STAB1: variants seen among roughly 807,000 people sequenced by gnomAD.
STAB1 encodes the protein stabilin-1.
In STAB1, 250 loss-of-function variants were observed where a neutral mutation model predicts 332.4. The observed-to-expected ratio is 0.75, with a 90% CI of 0.68 to 0.84. STAB1 has a LOEUF of 0.84. Among genes scored for constraint, STAB1 ranks in the 40% least tolerant of loss-of-function variants. The pLI is 0.00. For missense variants in STAB1, 3,249 were observed against 3,489.7 expected, an observed-to-expected ratio of 0.93 and a Z score of 1.74; for synonymous variants, 1,475 against 1,390.4, an observed-to-expected ratio of 1.06 and a Z score of -1.35.
rs1161508485 is a variant in STAB1 at position 52,524,223 on chromosome 3, G to GAAGT, written c.7656+11_7656+14dup. ...TTGTGAACCCTTCGATGTAAGCATG[G>GAAGT]AAGTGAAGAAGTGTGGCAGATGTGG... On this transcript the variant is annotated intron_variant, in intron 68 of 68. Coordinates refer to ENST00000321725, the MANE Select transcript of STAB1 (RefSeq NM_015136.3). 1 of 1,614,080 alleles carries GAAGT rather than the reference G, an allele frequency of 6.2e-7. No individual in the cohort carries two copies. Among genetic ancestry groups the GAAGT allele is most frequent in the Non-Finnish European group, 8.5e-7 (1 of 1,180,026 alleles).
At chr3:52,499,909 A>AAC (rs1405834261) in intron 1 of STAB1, among the ~76,000 whole-genome samples, 1 of 145,810 alleles carries the variant, frequency 6.9e-6, no homozygotes, top group Non-Finnish European at 1.5e-5. Context: ...AAAAAAAAAA[A>AAC]AAAAAAAAAA....
chr3:52,517,383 G>GC lies in STAB1; in HGVS notation c.4558dup (p.Gln1520ProfsTer9). On this transcript the variant is annotated frameshift_variant, in exon 43 of 69. Coordinates refer to ENST00000321725, the MANE Select transcript of STAB1 (RefSeq NM_015136.3). LOFTEE classifies it high-confidence loss of function. The stretch of plus-strand genomic sequence containing the variant: ...ATTCACGCCGAGTGCATCCCCACTG[G>GC]CCCCCAGCAGGTCAGCATGGCAGGG... 1 of 1,603,340 alleles carries GC rather than the reference G, an allele frequency of 6.2e-7. No homozygotes were observed. The highest frequency in any genetic ancestry group is 8.5e-7 in the Non-Finnish European group (1 of 1,175,400).
intron 17 of STAB1, 24 bp downstream of exon 17, chr3:52,506,274 G>C: frequency 6.3e-7 from 1 of 1,597,022 alleles, no homozygotes; most frequent in Non-Finnish European, 8.5e-7. Flanking sequence ...ACACCTGGGC[G>C]GATGGTGGGG....
At position 52,502,053 on chromosome 3, in the gene STAB1, T is replaced by A. The variant is rs1267861507; in HGVS notation, c.379T>A (p.Leu127Met). ...CCCATGCAATGGCCACGGGACCTGC[T>A]TGGATGGCATGGACAGGAATGGGAC... ...ETPCNGHGTC[L>M]DGMDRNGTCV... The change falls in exon 4 of 69, where the codon TTG becomes ATG. Residue 127 changes from leucine to methionine, a missense_variant. By Grantham distance (15) the Leu-to-Met change is conservative (BLOSUM62 2). Transcript: ENST00000321725. 1 of 1,613,440 alleles carries A rather than the reference T, an allele frequency of 6.2e-7. No individual in the cohort carries two copies. The highest frequency in any genetic ancestry group is 2.2e-5 in the East Asian group (1 of 44,874).
chr3:52,504,958 G>A lies in STAB1; in HGVS notation c.1378-45G>A, dbSNP rs764497417. The A allele has an allele frequency of 4.3e-6, 7 of 1,612,464 alleles. No homozygotes were observed. In the East Asian group the frequency reaches 1.3e-4, roughly 31 times the overall value. On this transcript the variant is annotated intron_variant, in intron 12 of 68. Coordinates refer to ENST00000321725, the MANE Select transcript of STAB1 (RefSeq NM_015136.3). The stretch of plus-strand genomic sequence containing the variant: ...CAGGTGGGAGGGAGCCTCCGGACAG[G>A]GGGCTGGCATATGGGATCTGGCCAG...
chr3:52,504,207 T>C (rs374422384), intron 10 of STAB1, 52 bp downstream of exon 10: 29 of 1,551,470 alleles, frequency 1.9e-5, no homozygotes, highest in South Asian at 1.1e-4. Context: ...CCCAGCACAG[T>C]TGGCAGGGAG....
chr3:52,497,214 T>C lies in STAB1; in HGVS notation c.78+1723T>C, dbSNP rs567614000. Among the ~76,000 whole-genome samples the C allele has an allele frequency of 3.9e-5, 6 of 152,176 alleles. No individual in the cohort carries two copies. In the South Asian group the frequency reaches 1.2e-3, roughly 32 times the overall value. ...CATGTTGACCAGGCTGGTCTGTAAC[T>C]CCTGACCTCAGGTAATCCACCTGCC... is the stretch of plus-strand genomic sequence containing the variant. On this transcript the variant is annotated intron_variant, in intron 1 of 68. Coordinates refer to ENST00000321725, the MANE Select transcript of STAB1 (RefSeq NM_015136.3).
Position 52,524,354 on chromosome 3 carries a change from T to C in STAB1, c.7711T>C (p.Ter2571ArgextTer5). ...PDTQRILTVK[*>R] is the part of the protein sequence containing the mutation. ...CACCCAGAGGATCCTCACAGTCAAG[T>C]GACGAGGCTGGGGCTGAAAGCAGAA... The change falls in exon 69 of 69, where the codon TGA becomes CGA. Residue 2571 changes from the stop codon to arginine, a stop_lost. Transcript: ENST00000321725. 2 of 1,613,748 alleles carry C rather than the reference T, an allele frequency of 1.2e-6. No homozygotes were observed. Among genetic ancestry groups the C allele is most frequent in the Non-Finnish European group, 1.7e-6 (2 of 1,179,996 alleles).
rs1559729101 is a variant in STAB1, at chr3:52,523,677, G to GT, written c.7317dup (p.Ile2440TyrfsTer33). 6.2e-7 allele frequency: 1 copy of GT among 1,612,732 alleles called. No individual in the cohort carries two copies. On this transcript the variant is annotated frameshift_variant, in exon 66 of 69. Transcript: ENST00000321725. LOFTEE classifies it high-confidence loss of function. ...GCCCCAGGGACAGTTGTGGTTAGCC[G>GT]TATCATTGTGTGGGACATCATGGCC...
Position 52,504,555 on chromosome 3 carries a change from C to T in STAB1, c.1239+6C>T. 1 of 1,613,934 alleles carries T rather than the reference C, an allele frequency of 6.2e-7. No homozygotes were observed. Among genetic ancestry groups the T allele is most frequent in the Non-Finnish European group, 8.5e-7 (1 of 1,179,980 alleles). ...TCTCCTCCAGGACCATGAATGTAAGCCCCTCCCCATGGTGGAGCTGGCCAC... is the reference window on the plus strand; with the variant it reads ...TCTCCTCCAGGACCATGAATGTAAGTCCCTCCCCATGGTGGAGCTGGCCAC... On this transcript the variant is annotated splice_donor_region_variant and intron_variant, in intron 11 of 68. Coordinates refer to ENST00000321725, the MANE Select transcript of STAB1 (RefSeq NM_015136.3).
chr3:52,514,553 C>T, intron 34 of STAB1, 57 bp downstream of exon 34: 1 of 1,533,146 alleles, frequency 6.5e-7, no homozygotes, highest in Non-Finnish European at 8.8e-7. Flanking sequence ...CTGAAGATCC[C>T]TTCCCTTTGG....
At position 52,516,525 on chromosome 3, in the gene STAB1, ATCC is replaced by A. The variant is rs2078870900; in HGVS notation, c.4241-12_4241-10del. 1.2e-6 allele frequency: 2 copies of A among 1,613,256 alleles called. No individual in the cohort carries two copies. The highest frequency in any genetic ancestry group is 2.7e-5 in the African/African-American group (2 of 74,888). ...TTCCTGGGTCTGAATGACCAGAGTC[ATCC>A]TCCTGCCCCCCAGAAATCACCAGCC... is the stretch of plus-strand genomic sequence containing the variant. On this transcript the variant is annotated splice_polypyrimidine_tract_variant and intron_variant, in intron 39 of 68. Transcript: ENST00000321725.
In STAB1 at chr3:52,515,020, G is replaced by A. The variant is rs768140631; in HGVS notation, c.3839G>A (p.Arg1280His). 1.1e-5 allele frequency: 18 copies of A among 1,613,388 alleles called. No homozygotes were observed. Among genetic ancestry groups the A allele is most frequent in the Middle Eastern group, 1.6e-4 (1 of 6,084 alleles). Reference sequence around the variant, plus strand: ...TGTGTAAACTGCACCAGGAGATTCCGCTGCACTCAGGGCTTCCAGCTGCAG... The same window carrying A: ...TGTGTAAACTGCACCAGGAGATTCCACTGCACTCAGGGCTTCCAGCTGCAG... ...EKCVNCTRRFRCTQGFQLQDT... is the reference protein window; with the variant it reads ...EKCVNCTRRFHCTQGFQLQDT... Residue 1280 changes from arginine to histidine, a missense_variant, in exon 36 of 69, where the codon CGC becomes CAC. Coordinates refer to ENST00000321725, the MANE Select transcript of STAB1 (RefSeq NM_015136.3).
At position 52,508,313 on chromosome 3, in the gene STAB1, C is replaced by T. The variant is rs143844788; in HGVS notation, c.2189C>T (p.Thr730Met). 1.8e-4 allele frequency: 298 copies of T among 1,613,892 alleles called. No homozygotes were observed. Among genetic ancestry groups the T allele is most frequent in the Middle Eastern group, 3.3e-4 (2 of 6,058 alleles). Residue 730 changes from threonine to methionine, a missense_variant, in exon 21 of 69, where the codon ACG (threonine) becomes ATG (methionine). Physicochemically the swap from Thr to Met is moderately conservative, Grantham distance 81. Coordinates refer to ENST00000321725, the MANE Select transcript of STAB1 (RefSeq NM_015136.3). ...CCKGFFGPDC[T>M]QCPGGFSNPC... is the part of the protein sequence containing the mutation. Reference sequence around the variant, plus strand: ...AAAGGTTTTTTCGGGCCTGACTGCACGCAGTGTCCTGGGGGCTTCTCCAAC... The same window carrying T: ...AAAGGTTTTTTCGGGCCTGACTGCATGCAGTGTCCTGGGGGCTTCTCCAAC...
chr3:52,514,861 C>G, intron 35 of STAB1, 32 bp downstream of exon 35: 3 of 1,612,792 alleles, frequency 1.9e-6, no homozygotes, highest in African/African-American at 1.3e-5. Flanking sequence ...AAGGCCGGCA[C>G]GGGAGTTCAG....
rs145377358 is a variant in STAB1 at position 52,520,015 on chromosome 3, C to T, written c.5307C>T (p.Ala1769=). The part of the protein sequence containing the change: ...RPFTMLWPTD[A]AFRALPPDRQ... ...TCACAATGCTGTGGCCCACAGACGC[C>T]GCCTTTCGAGCTCTGCCTCCGGATC... The change falls in exon 51 of 69, where the codon GCC becomes GCT. Residue 1769 remains alanine (A), a synonymous_variant. Coordinates refer to ENST00000321725, the MANE Select transcript of STAB1 (RefSeq NM_015136.3). The T allele has an allele frequency of 2.9e-5, 47 of 1,612,410 alleles. No individual in the cohort carries two copies. The highest frequency in any genetic ancestry group is 4.5e-5 in the East Asian group (2 of 44,872).
intron 1 of STAB1, among the ~76,000 whole-genome samples, chr3:52,499,609 A>G (rs996466914): frequency 3.3e-5 from 5 of 152,136 alleles, no homozygotes; most frequent in African/African-American, 7.2e-5. Context: ...AATTTAAAAC[A>G]AACTGGCCGG....
At chr3:52,514,244 G>A in intron 33 of STAB1, 31 bp downstream of exon 33, 1 of 1,611,298 alleles carries the variant, frequency 6.2e-7, no homozygotes, top group African/African-American at 1.3e-5. Flanking sequence ...CAATGGCAGG[G>A]AGGGCAAAGG....
intron 22 of STAB1, 38 bp downstream of exon 22, chr3:52,509,359 A>G: frequency 1.3e-6 from 2 of 1,584,628 alleles, no homozygotes; most frequent in East Asian, 2.2e-5. Flanking sequence ...CTAGGGAGAA[A>G]AAACGTCTGC....
Sources: gnomAD v4.1 joint callset for allele counts (sites outside exome capture counted in the v4.1 genomes callset) on GRCh38, gnomAD v4.1.1 for gene constraint, MANE v1.5 for transcripts, NCBI Gene and HGNC (gene_info 2026-07-23, HGNC 2026-07-21) for gene names.